RPAP2: variants seen among roughly 807,000 people sequenced by gnomAD.
RPAP2 encodes the protein putative RNA polymerase II subunit B1 CTD phosphatase RPAP2.
Under a neutral mutation model 73.1 loss-of-function variants are expected in RPAP2, and 52 were observed. The observed-to-expected ratio is 0.71, with a 90% CI of 0.57 to 0.90. RPAP2 has a LOEUF of 0.90. Ranked by LOEUF, RPAP2 falls within the 40% of genes least tolerant of loss-of-function variation. The pLI is 0.00. For synonymous variants in RPAP2, 225 were observed against 242.1 expected (o/e 0.93, Z 0.65); for missense variants, 598 against 701.8 (o/e 0.85, Z 1.67).
rs929930440 is a variant in RPAP2, at chr1:92,386,992, A to G, written c.*-19A>G. 17 of 1,588,010 alleles carry G rather than the reference A, an allele frequency of 1.1e-5. No homozygotes were observed. Among genetic ancestry groups the G allele is most frequent in the African/African-American group, 1.3e-5 (1 of 74,452 alleles). On this transcript the variant is annotated intron_variant, in intron 12 of 12. Coordinates refer to ENST00000610020, the MANE Select transcript of RPAP2 (RefSeq NM_024813.3). ...TCCCAATACATGTTTTACTCAAAGT[A>G]TCCTTTTTTGCTTCACAGATATATT...
chr1:92,320,828 G>T (rs530578419), intron 7 of RPAP2, among the ~76,000 whole-genome samples, 194 bp downstream of exon 7: 25 of 152,162 alleles, frequency 1.6e-4, no homozygotes, highest in Non-Finnish European at 3.2e-4. Context: ...TGTTTGATCT[G>T]TATGATTTAT....
In RPAP2 at chr1:92,329,630, C is replaced by T. The variant is rs552222787; in HGVS notation, c.1456-3761C>T. On this transcript the variant is annotated intron_variant, in intron 8 of 12. Transcript: ENST00000610020. The stretch of plus-strand genomic sequence containing the variant: ...ATGATGGGAGTCTCCACATGCCGCT[C>T]TGTCTGACCAAGTGGGAACTGCAAG... Among the ~76,000 whole-genome samples, 15 of 152,342 alleles carry T rather than the reference C, an allele frequency of 9.8e-5. No homozygotes were observed. In the South Asian group the frequency reaches 3.1e-3, roughly 32 times the overall value.
chr1:92,378,020 CATTT>C (rs1655463378), intron 11 of RPAP2, among the ~76,000 whole-genome samples: 2 of 151,976 alleles, frequency 1.3e-5, no homozygotes, highest in Admixed American at 6.6e-5. Context: ...TAGTAGTCAC[CATTT>C]ATTTATAATT....
At chr1:92,325,091 T>G (rs1048110064) in intron 8 of RPAP2, among the ~76,000 whole-genome samples, 3 of 152,172 alleles carry the variant, frequency 2.0e-5, no homozygotes, top group African/African-American at 7.2e-5. Context: ...AGTACCCATA[T>G]GTAGAGATTG....
chr1:92,380,954 T>G, intron 12 of RPAP2, 81 bp downstream of exon 12: 3 of 1,281,204 alleles, frequency 2.3e-6, no homozygotes, highest in Non-Finnish European at 3.2e-6. Context: ...AATTGGAAAT[T>G]GTAAAAACCA....
At chr1:92,357,893 A>G (rs1557622530) in intron 11 of RPAP2, among the ~76,000 whole-genome samples, 1 of 152,102 alleles carries the variant, frequency 6.6e-6, no homozygotes, top group African/African-American at 2.4e-5. Context: ...AGTCATTTAA[A>G]TTTTTTGTTT....
rs10555168 is a variant in RPAP2, at chr1:92,361,116, CATAT to C, written c.1688+15214_1688+15217del. ...TAATATATATATACACACACACACACATATATATATATATACACACACATAAACA... is the reference window on the plus strand; with the variant it reads ...TAATATATATATACACACACACACACATATATATATACACACACATAAACA... On this transcript the variant is annotated intron_variant, in intron 11 of 12. Transcript: ENST00000610020. 6.0e-3 allele frequency among the ~76,000 whole-genome samples: 891 copies of C among 148,348 alleles called. 4 individuals are homozygous for C. The highest frequency in any genetic ancestry group is 9.6e-3 in the African/African-American group (388 of 40,494).
chr1:92,309,139 A>T (rs1459295354), intron 6 of RPAP2, among the ~76,000 whole-genome samples: 1 of 151,716 alleles, frequency 6.6e-6, no homozygotes. Context: ...CTCACTAAAA[A>T]AGAAAGATGA....
In RPAP2 at chr1:92,397,326, G is replaced by A. The variant is rs1263739206; in HGVS notation, c.*10315G>A. On this transcript the variant is annotated 3_prime_UTR_variant, in exon 13 of 13. Coordinates refer to ENST00000610020, the MANE Select transcript of RPAP2 (RefSeq NM_024813.3). ...GATCACTTGAGCCCAGGAGGCAGAG[G>A]TTGTAGGGAGCCAAGATTGCACCAC... 6.6e-6 allele frequency: 1 copy of A among 151,490 alleles called. No homozygotes were observed. Among genetic ancestry groups the A allele is most frequent in the African/African-American group, 2.4e-5 (1 of 41,342 alleles). The allele number at this position is 151,490 out of a possible 1,614,324, so 9.4% of individuals were successfully genotyped here. A position where few individuals can be genotyped will look rare whatever the true frequency, so the allele number is the denominator to read the frequency against.
intron 7 of RPAP2, 137 bp downstream of exon 7, chr1:92,320,771 A>G (rs1305561779): frequency 1.7e-6 from 1 of 576,712 alleles, no homozygotes; most frequent in African/African-American, 1.8e-5. Context: ...CCACACAAAG[A>G]AATATTTGAC....
chr1:92,322,535 C>T (rs908773588), intron 7 of RPAP2, among the ~76,000 whole-genome samples: 12 of 151,494 alleles, frequency 7.9e-5, no homozygotes, highest in African/African-American at 2.9e-4. Context: ...CAGAGCAAGA[C>T]TCCATCTCAA....
rs1249288542 is a variant in RPAP2 at position 92,400,022 on chromosome 1, A to G, written c.*13011A>G. On this transcript the variant is annotated 3_prime_UTR_variant, in exon 13 of 13. Coordinates refer to ENST00000610020, the MANE Select transcript of RPAP2 (RefSeq NM_024813.3). Reference sequence around the variant, plus strand: ...CACAAACTAAGACTCAATGAGGTTTATCTTCCACAAGATCAGCCAGTTTTA... The same window carrying G: ...CACAAACTAAGACTCAATGAGGTTTGTCTTCCACAAGATCAGCCAGTTTTA... 6.6e-6 allele frequency: 1 copy of G among 152,244 alleles called. No individual in the cohort carries two copies. The highest frequency in any genetic ancestry group is 1.5e-5 in the Non-Finnish European group (1 of 68,042). The allele number at this position is 152,244 out of a possible 1,614,324, so 9.4% of individuals were successfully genotyped here. A position where few individuals can be genotyped will look rare whatever the true frequency, so the allele number is the denominator to read the frequency against.
At chr1:92,328,809 G>A (rs1652792776) in intron 8 of RPAP2, among the ~76,000 whole-genome samples, 1 of 152,236 alleles carries the variant, frequency 6.6e-6, no homozygotes, top group Non-Finnish European at 1.5e-5. Context: ...AAGGGCTGCT[G>A]TTTAGATTCT....
intron 11 of RPAP2, among the ~76,000 whole-genome samples, chr1:92,358,746 C>T (rs1161212581): frequency 2.0e-5 from 3 of 151,816 alleles, no homozygotes; most frequent in African/African-American, 7.3e-5. Flanking sequence ...CACCATCCTG[C>T]TCAGCTTTAA....
At chr1:92,330,154 C>T (rs1652874800) in intron 8 of RPAP2, among the ~76,000 whole-genome samples, 1 of 152,162 alleles carries the variant, frequency 6.6e-6, no homozygotes, top group African/African-American at 2.4e-5. Flanking sequence ...AGCCAGAGAG[C>T]AAGGAAGCCC....
rs150044425 is a variant in RPAP2, at chr1:92,388,942, T to C, written c.*1931T>C. The stretch of plus-strand genomic sequence containing the variant: ...CAGCAAGGCCTACTGTCTCTGTAGA[T>C]TCCACCTCCAGGGGCAGGGCATATC... On this transcript the variant is annotated 3_prime_UTR_variant, in exon 13 of 13. Transcript: ENST00000610020. 1.3e-5 allele frequency: 2 copies of C among 152,456 alleles called. No individual in the cohort carries two copies. Among genetic ancestry groups the C allele is most frequent in the East Asian group, 3.9e-4 (2 of 5,172 alleles). 9.4% of individuals were successfully genotyped at this position (152,456 alleles called of 1,614,324 possible).
At chr1:92,345,148 C>T (rs2101300365) in intron 10 of RPAP2, among the ~76,000 whole-genome samples, 1 of 151,988 alleles carries the variant, frequency 6.6e-6, no homozygotes, top group South Asian at 2.1e-4. Flanking sequence ...TAATTGCCTG[C>T]TACCAACCTA....
chr1:92,357,541 TTTTG>T (rs1488883550), intron 11 of RPAP2, among the ~76,000 whole-genome samples: 2 of 152,194 alleles, frequency 1.3e-5, no homozygotes, highest in East Asian at 3.8e-4. Context: ...GATGGATTTT[TTTTG>T]TTTGTTTTCA....
At chr1:92,334,058 T>C (rs549448977) in intron 9 of RPAP2, among the ~76,000 whole-genome samples, 16 of 152,330 alleles carry the variant, frequency 1.1e-4, no homozygotes, top group Admixed American at 4.6e-4. Context: ...GGTTTTTTTT[T>C]CCCAGAGGTA....
Sources: allele counts gnomAD v4.1 joint callset (sites outside exome capture counted in the v4.1 genomes callset), GRCh38; gene constraint gnomAD v4.1.1; transcripts MANE v1.5; gene names NCBI Gene and HGNC (gene_info 2026-07-23, HGNC 2026-07-21).